Variants in ACBD6 observed in about 807,000 individuals in gnomAD.
ACBD6 encodes the protein acyl-CoA binding domain containing 6.
In ACBD6, 28 loss-of-function variants were observed where a neutral mutation model predicts 37.2. That is an observed-to-expected ratio of 0.75 (90% CI 0.56 to 1.03). The LOEUF is 1.03. Ranked by LOEUF, ACBD6 falls within the 50% of genes least tolerant of loss-of-function variation. ACBD6 has a pLI of 0.00. For missense variants in ACBD6, 340 were observed against 337.4 expected (o/e 1.01, Z -0.06); for synonymous variants, 113 against 126.8 (o/e 0.89, Z 0.73).
chr1:180,392,376 GA>G (rs1338465664), intron 6 of ACBD6, among the ~76,000 whole-genome samples: 1 of 151,738 alleles, frequency 6.6e-6, no homozygotes, highest in Admixed American at 6.6e-5. Flanking sequence ...AAATAATGAA[GA>G]AAAAACTTTA....
At chr1:180,306,586 G>C (rs1650386312) in intron 7 of ACBD6, among the ~76,000 whole-genome samples, 1 of 152,006 alleles carries the variant, frequency 6.6e-6, no homozygotes, top group African/African-American at 2.4e-5. Flanking sequence ...TTTGTGTCTG[G>C]CATCTCAGCT....
At chr1:180,382,775 T>A (rs1653706309) in intron 6 of ACBD6, among the ~76,000 whole-genome samples, 1 of 152,012 alleles carries the variant, frequency 6.6e-6, no homozygotes, top group Admixed American at 6.6e-5. Flanking sequence ...CAGGCCAATA[T>A]CCCTGATGAA....
At chr1:180,274,435 T>G (rs1485492495) in intron 10 of ACBD6, 1 of 1,614,196 alleles carries the variant, frequency 6.2e-7, no homozygotes, top group Non-Finnish European at 8.5e-7. Flanking sequence ...TCATTGCGCA[T>G]GCAGGGCAGG....
intron 3 of ACBD6, among the ~76,000 whole-genome samples, chr1:180,453,430 A>G (rs1014046452): frequency 3.3e-5 from 5 of 152,244 alleles, no homozygotes; most frequent in Non-Finnish European, 7.3e-5. Context: ...ACAAACCCAC[A>G]GCCAATATCA....
chr1:180,434,134 G>A (rs184747991), intron 3 of ACBD6, among the ~76,000 whole-genome samples: 4 of 152,234 alleles, frequency 2.6e-5, no homozygotes, highest in African/African-American at 7.2e-5. Context: ...ATGGGAAGTC[G>A]GGGTCTGGAC....
intron 6 of ACBD6, among the ~76,000 whole-genome samples, chr1:180,328,035 C>T (rs900716548): frequency 2.6e-5 from 4 of 152,092 alleles, no homozygotes; most frequent in East Asian, 1.9e-4. Context: ...GAGGTGTTGA[C>T]GAAAATATTA....
chr1:180,369,644 A>G (rs1653181197), intron 6 of ACBD6, among the ~76,000 whole-genome samples: 1 of 152,232 alleles, frequency 6.6e-6, no homozygotes, highest in Non-Finnish European at 1.5e-5. Context: ...ATTTCTAAAA[A>G]ATAAAAAACT....
chr1:180,389,592 G>T (rs1653989299), intron 6 of ACBD6, among the ~76,000 whole-genome samples: 1 of 152,186 alleles, frequency 6.6e-6, no homozygotes, highest in Non-Finnish European at 1.5e-5. Context: ...CTTCCACAAT[G>T]GTTGAACTAG....
At chr1:180,358,803 T>C (rs1172326780) in intron 6 of ACBD6, among the ~76,000 whole-genome samples, 1 of 152,184 alleles carries the variant, frequency 6.6e-6, no homozygotes, top group East Asian at 1.9e-4. Flanking sequence ...GTAAAGACAC[T>C]GCTGGCACCA....
intron 6 of ACBD6, among the ~76,000 whole-genome samples, chr1:180,353,785 CAAAAAAAA>C (rs56286672): frequency 5.1e-5 from 1 of 19,754 alleles, no homozygotes; most frequent in South Asian, 1.8e-3. Flanking sequence ...TTAACAACCA[CAAAAAAAA>C]AAAAAAAAAA....
chr1:180,359,758 C>A (rs965517768), intron 6 of ACBD6, among the ~76,000 whole-genome samples: 3 of 152,116 alleles, frequency 2.0e-5, no homozygotes, highest in Non-Finnish European at 2.9e-5. Context: ...ACAAATCCCT[C>A]TCTTAGAATT....
chr1:180,335,432 A>C (rs1482664452), intron 6 of ACBD6, among the ~76,000 whole-genome samples: 8 of 152,164 alleles, frequency 5.3e-5, no homozygotes, highest in Admixed American at 5.2e-4. Flanking sequence ...GTGAAGGAGA[A>C]ATAAAATCCT....
chr1:180,485,302 G>A (rs1158497740), intron 3 of ACBD6, among the ~76,000 whole-genome samples: 2 of 152,130 alleles, frequency 1.3e-5, no homozygotes, highest in South Asian at 2.1e-4. Context: ...TGTGTAGTGA[G>A]TTGAATTGTG....
At chr1:180,475,319 CT>C (rs1322977150) in intron 3 of ACBD6, among the ~76,000 whole-genome samples, 1 of 152,150 alleles carries the variant, frequency 6.6e-6, no homozygotes, top group Non-Finnish European at 1.5e-5. Flanking sequence ...CTGTTTATTC[CT>C]ACTTTGTATC....
At chr1:180,410,362 C>A (rs1647804284) in intron 5 of ACBD6, among the ~76,000 whole-genome samples, 1 of 152,162 alleles carries the variant, frequency 6.6e-6, no homozygotes, top group Admixed American at 6.5e-5. Flanking sequence ...TAGACTACTC[C>A]TACTATTGAA....
downstream of ACBD6, among the ~76,000 whole-genome samples, chr1:180,283,712 C>T (rs1257972551): frequency 2.6e-5 from 4 of 151,914 alleles, no homozygotes; most frequent in Non-Finnish European, 2.9e-5. Context: ...ACAAAACACA[C>T]GAAAGAAAAT....
At chr1:180,366,158 A>G (rs1383832639) in intron 6 of ACBD6, among the ~76,000 whole-genome samples, 3 of 152,222 alleles carry the variant, frequency 2.0e-5, no homozygotes, top group African/African-American at 7.2e-5. Context: ...ATGAGCCACC[A>G]GTTCAACATT....
chr1:180,364,050 T>C (rs1652948329), intron 6 of ACBD6, among the ~76,000 whole-genome samples: 1 of 152,088 alleles, frequency 6.6e-6, no homozygotes, highest in Admixed American at 6.5e-5. Context: ...TTTCTTTACC[T>C]TTTTAAAAAA....
At chr1:180,425,345 A>G (rs4076403) in intron 4 of ACBD6, among the ~76,000 whole-genome samples, 73,910 of 152,092 alleles carry the variant, frequency 0.49, 20,791 homozygotes, top group South Asian at 0.66. Flanking sequence ...GCCTATACCC[A>G]CTTGTGTAGT....
Sources: gnomAD v4.1 joint callset for allele counts (sites outside exome capture counted in the v4.1 genomes callset) on GRCh38, gnomAD v4.1.1 for gene constraint, MANE v1.5 for transcripts, NCBI Gene and HGNC (gene_info 2026-07-23, HGNC 2026-07-21) for gene names.